The following LHX6 variants were observed in gnomAD, a reference collection of about 807,000 sequenced individuals.
LHX6 encodes the protein LIM/homeobox protein Lhx6.
LHX6 carries 15 observed loss-of-function variants against 47.1 expected under a neutral mutation model. The observed-to-expected ratio is 0.32, with a 90% CI of 0.21 to 0.49. The LOEUF is 0.49. Among genes scored for constraint, LHX6 ranks in the 20% least tolerant of loss-of-function variants. The pLI is 0.99. For synonymous variants in LHX6, 242 were observed against 233.5 expected, an observed-to-expected ratio of 1.04 and a Z score of -0.33; for missense variants, 404 against 539.6, an observed-to-expected ratio of 0.75 and a Z score of 2.49.
At chr9:122,216,987 T>TG in intron 5 of LHX6, 81 bp downstream of exon 5, 1 of 1,170,722 alleles carries the variant, frequency 8.5e-7, no homozygotes, top group Non-Finnish European at 1.2e-6. Flanking sequence ...TAGAGGAGTG[T>TG]GGGTGGTTCC....
At chr9:122,228,221 T>A in intron 1 of LHX6, 1 of 1,513,378 alleles carries the variant, frequency 6.6e-7, no homozygotes, top group Non-Finnish European at 8.9e-7. Context: ...GAGAGCGAGA[T>A]CGGGGCGAAA....
chr9:122,209,584 AC>A, intron 9 of LHX6, 29 bp downstream of exon 9: 2 of 1,613,524 alleles, frequency 1.2e-6, no homozygotes, highest in South Asian at 2.2e-5. Flanking sequence ...GGTGGCTCTG[AC>A]CCACCAGACC....
At position 122,204,752 on chromosome 9, in the gene LHX6, C is replaced by T. The variant is rs776544019; in HGVS notation, c.*8G>A. 1.1e-5 allele frequency: 18 copies of T among 1,598,816 alleles called. 1 individual carries two copies. In the Admixed American group the frequency reaches 1.4e-4, roughly 12 times the overall value. On this transcript the variant is annotated 3_prime_UTR_variant, in exon 10 of 10. Coordinates refer to ENST00000394319, the MANE Select transcript of LHX6 (RefSeq NM_014368.5). Reference sequence around the variant, plus strand: ...CGCCCACGGGCAGATGCGGAAGTGCCGGCAGCGTTAGTACTGAAAAAGGAT... The same window carrying T: ...CGCCCACGGGCAGATGCGGAAGTGCTGGCAGCGTTAGTACTGAAAAAGGAT...
intron 9 of LHX6, among the ~76,000 whole-genome samples, chr9:122,206,805 C>T (rs137989164): frequency 4.3e-4 from 66 of 152,208 alleles, no homozygotes; most frequent in African/African-American, 1.3e-3. Context: ...TGGCCCCTGT[C>T]GGCTCTCCCC....
At position 122,213,706 on chromosome 9, in the gene LHX6, G is replaced by T; in HGVS notation, c.954C>A (p.Pro318=). The T allele has an allele frequency of 6.2e-7, 1 of 1,612,622 alleles. No individual in the cohort carries two copies. Residue 318 remains proline, a synonymous_variant, in exon 8 of 10, where the codon CCC becomes CCA. Coordinates refer to ENST00000394319, the MANE Select transcript of LHX6 (RefSeq NM_014368.5). This position sits in a 1 kb window ranked among gnomAD's most constrained non-coding sequence, Gnocchi z 5.5. Reference sequence around the variant, plus strand: ...ACAGGGCGGAGGGAAGGCGGGACGGGGGCGCCCCCGAGGGCGGCACTGGGT... The same window carrying T: ...ACAGGGCGGAGGGAAGGCGGGACGGTGGCGCCCCCGAGGGCGGCACTGGGT... ...PQHPVPPSGA[P]PSRLPSALSD... is the part of the protein sequence containing the mutation.
intron 8 of LHX6, 45 bp from the exon 9 acceptor site, chr9:122,209,762 A>G (rs774888491): frequency 5.3e-6 from 4 of 750,610 alleles, no homozygotes; most frequent in African/African-American, 1.7e-5. Context: ...CAGGCTGCAC[A>G]CAGGATCCCA....
At chr9:122,221,359 C>A (rs892280835) in intron 4 of LHX6, 71 of 985,554 alleles carry the variant, frequency 7.2e-5, no homozygotes, top group Non-Finnish European at 8.4e-5. Flanking sequence ...CGCCGCTGGG[C>A]CGCTCTCTGC....
intron 8 of LHX6, among the ~76,000 whole-genome samples, chr9:122,211,466 G>A (rs988249105): frequency 2.6e-5 from 4 of 152,084 alleles, no homozygotes; most frequent in South Asian, 2.1e-4. Context: ...TTAGTTAACC[G>A]CAGAGCAAAC....
intron 5 of LHX6, among the ~76,000 whole-genome samples, chr9:122,216,647 C>G (rs1233904455): frequency 3.3e-5 from 5 of 152,144 alleles, no homozygotes; most frequent in Non-Finnish European, 5.9e-5. Flanking sequence ...GTCATCTCTC[C>G]AGGACTGGCC....
chr9:122,227,580 G>A (rs1272379165), intron 1 of LHX6, 100 bp from the exon 2 acceptor site: 4 of 1,406,278 alleles, frequency 2.8e-6, no homozygotes, highest in African/African-American at 3.0e-5. Flanking sequence ...ATAAACCGGC[G>A]CCGAACAATG....
rs1449493315 is a variant in LHX6 at position 122,209,906 on chromosome 9, C to T, written c.1055-189G>A. ...TTTTTTTTTTTTTGAGACGGAGTCTCACCTTGTCGCCCAGGCTGGAGTGCA... is the reference window on the plus strand; with the variant it reads ...TTTTTTTTTTTTTGAGACGGAGTCTTACCTTGTCGCCCAGGCTGGAGTGCA... On this transcript the variant is annotated intron_variant, in intron 8 of 9. Coordinates refer to ENST00000394319, the MANE Select transcript of LHX6 (RefSeq NM_014368.5). Among the ~76,000 whole-genome samples the T allele has an allele frequency of 4.6e-5, 7 of 151,772 alleles. No individual in the cohort carries two copies. The South Asian group carries it at 1.2e-3, about 27-fold the overall frequency.
intron 1 of LHX6, 23 bp from the exon 2 acceptor site, chr9:122,227,503 G>T: frequency 1.3e-6 from 2 of 1,525,050 alleles, no homozygotes; most frequent in Non-Finnish European, 1.8e-6. Flanking sequence ...GGGAGGGAAC[G>T]CAGGCGGCGG....
chr9:122,223,572 G>T (rs998472827), intron 4 of LHX6, among the ~76,000 whole-genome samples: 1 of 152,170 alleles, frequency 6.6e-6, no homozygotes, highest in African/African-American at 2.4e-5. Context: ...GCCTTGGAAA[G>T]GGCGAACTAA....
intron 4 of LHX6, among the ~76,000 whole-genome samples, chr9:122,222,477 G>A (rs1438108491): frequency 1.3e-5 from 2 of 152,178 alleles, no homozygotes; most frequent in Non-Finnish European, 2.9e-5. Flanking sequence ...AAACGCACAA[G>A]GGTTGGTAAG....
At chr9:122,219,048 C>A (rs1399768960) in intron 4 of LHX6, among the ~76,000 whole-genome samples, 3 of 152,314 alleles carry the variant, frequency 2.0e-5, no homozygotes, top group South Asian at 4.1e-4. Flanking sequence ...AGGGCGGGCA[C>A]CCCTCCACCC....
chr9:122,207,591 A>G (rs1830232050), intron 9 of LHX6, among the ~76,000 whole-genome samples: 1 of 152,168 alleles, frequency 6.6e-6, no homozygotes, highest in Non-Finnish European at 1.5e-5. Context: ...TTCCTGGGGC[A>G]TGCTCACTCA....
In LHX6 at chr9:122,214,191, TCCG is replaced by T; in HGVS notation, c.783+89_783+91del. On this transcript the variant is annotated intron_variant, in intron 6 of 9. Coordinates refer to ENST00000394319, the MANE Select transcript of LHX6 (RefSeq NM_014368.5). The surrounding 1 kb of genome is among the most constrained non-coding windows in gnomAD (Gnocchi z 4.6). Reference sequence around the variant, plus strand: ...CTGCGGCCCCGCCCCGCCACCCGGGTCCGGCCCGAGGGGCGGAGCCAGGAGACA... The same window carrying T: ...CTGCGGCCCCGCCCCGCCACCCGGGTGCCCGAGGGGCGGAGCCAGGAGACA... The T allele has an allele frequency of 1.1e-6, 1 of 935,964 alleles. No homozygotes were observed. Among genetic ancestry groups the T allele is most frequent in the Non-Finnish European group, 1.5e-6 (1 of 658,942 alleles). The allele number at this position is 935,964 out of a possible 1,614,324, so 58.0% of individuals were successfully genotyped here.
chr9:122,208,474 A>G (rs1462333583), intron 9 of LHX6, among the ~76,000 whole-genome samples: 1 of 152,192 alleles, frequency 6.6e-6, no homozygotes, highest in Non-Finnish European at 1.5e-5. Flanking sequence ...CAACAGATTC[A>G]TGGATGCTGG....
In LHX6 at chr9:122,226,416, T is replaced by G. The variant is rs1341735721; in HGVS notation, c.421A>C (p.Ile141Leu). 6.2e-7 allele frequency: 1 copy of G among 1,613,762 alleles called. No homozygotes were observed. ...TSLRQQNSCY[I>L]KNKEIFCKMD... ...TTGCAGAAGATCTCCTTGTTCTTGATGTAGCAGCTGTTCTGCTGCCTCAGC... is the reference window on the plus strand; with the variant it reads ...TTGCAGAAGATCTCCTTGTTCTTGAGGTAGCAGCTGTTCTGCTGCCTCAGC... The change falls in exon 4 of 10, where the codon ATC becomes CTC. Residue 141 changes from isoleucine (I) to leucine (L), a missense_variant. Transcript: ENST00000394319. The surrounding 1 kb of genome is among the most constrained non-coding windows in gnomAD (Gnocchi z 6.5).
Sources: allele counts gnomAD v4.1 joint callset (sites outside exome capture counted in the v4.1 genomes callset), GRCh38; gene constraint gnomAD v4.1.1; non-coding constraint Gnocchi (gnomAD v3.1); transcripts MANE v1.5; gene names NCBI Gene and HGNC (gene_info 2026-07-23, HGNC 2026-07-21).